MEIKIN: variants seen among roughly 807,000 people sequenced by gnomAD.
MEIKIN encodes the protein meiosis-specific kinetochore protein.
intron 11 of MEIKIN, among the ~76,000 whole-genome samples, chr5:131,841,393 G>A (rs1749911154): frequency 6.6e-6 from 1 of 152,176 alleles, no homozygotes; most frequent in Non-Finnish European, 1.5e-5. Context: ...ACAGCAGGGT[G>A]CTAGTGGATC....
chr5:131,889,774 A>G (rs1750873633), intron 8 of MEIKIN, among the ~76,000 whole-genome samples: 1 of 152,236 alleles, frequency 6.6e-6, no homozygotes, highest in Non-Finnish European at 1.5e-5. Context: ...GCGAGAGGGC[A>G]TCTTTGGCTT....
chr5:131,829,482 G>A (rs778195008), intron 11 of MEIKIN, among the ~76,000 whole-genome samples: 2 of 152,136 alleles, frequency 1.3e-5, no homozygotes, highest in Non-Finnish European at 2.9e-5. Context: ...GGGAGAACAG[G>A]TAAGAATGCT....
chr5:131,931,036 G>A (rs759400464), intron 5 of MEIKIN, among the ~76,000 whole-genome samples: 4 of 151,972 alleles, frequency 2.6e-5, no homozygotes, highest in Non-Finnish European at 5.9e-5. Flanking sequence ...AATTTTCCTT[G>A]ACAATTTTAC....
At chr5:131,935,521 T>C (rs1354085158) in intron 4 of MEIKIN, among the ~76,000 whole-genome samples, 2 of 152,056 alleles carry the variant, frequency 1.3e-5, no homozygotes, top group African/African-American at 4.8e-5. Context: ...AAAGGGAAAA[T>C]GTGCTCTGCT....
intron 4 of MEIKIN, among the ~76,000 whole-genome samples, chr5:131,942,173 G>A (rs1449998710): frequency 6.6e-6 from 1 of 152,106 alleles, no homozygotes; most frequent in Non-Finnish European, 1.5e-5. Context: ...GCCTCAAACT[G>A]GTTGTCTAAT....
chr5:131,896,486 A>G (rs986298054), intron 8 of MEIKIN, among the ~76,000 whole-genome samples: 2 of 152,172 alleles, frequency 1.3e-5, no homozygotes, highest in African/African-American at 4.8e-5. Flanking sequence ...TGGGGTGTTA[A>G]AGTCTCCCAT....
chr5:131,822,319 C>T (rs1167405293), intron 11 of MEIKIN, among the ~76,000 whole-genome samples: 5 of 152,018 alleles, frequency 3.3e-5, no homozygotes, highest in Non-Finnish European at 7.4e-5. Flanking sequence ...GGACTTACTG[C>T]TGCCATTTTA....
intron 8 of MEIKIN, among the ~76,000 whole-genome samples, chr5:131,884,144 G>T (rs1250208747): frequency 5.8e-5 from 8 of 137,702 alleles, no homozygotes; most frequent in African/African-American, 1.6e-4. Context: ...AGAGCCAGTG[G>T]ACTTGGGGTG....
At chr5:131,843,018 G>A (rs970369954) in intron 11 of MEIKIN, among the ~76,000 whole-genome samples, 8 of 152,328 alleles carry the variant, frequency 5.3e-5, no homozygotes, top group South Asian at 2.1e-4. Context: ...TGCACCTGCA[G>A]GCCCAACACC....
At chr5:131,902,547 T>A (rs183834913) in intron 8 of MEIKIN, among the ~76,000 whole-genome samples, 26 of 152,286 alleles carry the variant, frequency 1.7e-4, no homozygotes, top group Non-Finnish European at 3.5e-4. Context: ...AGCTTCAGCA[T>A]CATGCTTCCT....
chr5:131,831,161 G>C (rs1315268765), intron 11 of MEIKIN, among the ~76,000 whole-genome samples: 1 of 152,196 alleles, frequency 6.6e-6, no homozygotes, highest in Non-Finnish European at 1.5e-5. Context: ...GCCTCCCAAA[G>C]TGCTGGGATT....
chr5:131,887,789 T>G (rs1037244291), intron 8 of MEIKIN, among the ~76,000 whole-genome samples: 22 of 151,804 alleles, frequency 1.4e-4, no homozygotes, highest in African/African-American at 7.3e-5. Flanking sequence ...ACATGTGCCA[T>G]GTTGGTGTGC....
At chr5:131,845,009 G>A (rs1344887769) in intron 11 of MEIKIN, among the ~76,000 whole-genome samples, 4 of 152,064 alleles carry the variant, frequency 2.6e-5, no homozygotes, top group Admixed American at 1.3e-4. Context: ...GGTGGCTCAC[G>A]CCTATAATCC....
chr5:131,901,245 A>C (rs999401144), intron 8 of MEIKIN, among the ~76,000 whole-genome samples: 27 of 152,048 alleles, frequency 1.8e-4, no homozygotes, highest in Admixed American at 1.8e-3. Context: ...TTGGCACAAA[A>C]CTATATAGGG....
chr5:131,895,918 C>T (rs537404154), intron 8 of MEIKIN, among the ~76,000 whole-genome samples: 1 of 152,070 alleles, frequency 6.6e-6, no homozygotes, highest in Non-Finnish European at 1.5e-5. Flanking sequence ...TATTTCTTGC[C>T]TTCTGCTAGC....
At position 131,813,387 on chromosome 5, in the gene MEIKIN, T is replaced by A. The variant is rs563193161; in HGVS notation, c.1099+5353A>T. On this transcript the variant is annotated intron_variant, in intron 12 of 12. Transcript: ENST00000442687. ...ACTGAGAGGAGTGCACCCGGTTGTG[T>A]GCTTTGTTGAAAGGAGAAATAACCA... Among the ~76,000 whole-genome samples the A allele has an allele frequency of 1.4e-4, 21 of 152,064 alleles. No homozygotes were observed. In the East Asian group the frequency reaches 2.3e-3, roughly 17 times the overall value.
intron 11 of MEIKIN, among the ~76,000 whole-genome samples, chr5:131,832,125 C>A (rs1749725160): frequency 6.6e-6 from 1 of 152,088 alleles, no homozygotes; most frequent in Admixed American, 6.6e-5. Context: ...TCATCTGAGA[C>A]AAGGCAAGTC....
chr5:131,818,368 T>C (rs774659321), intron 12 of MEIKIN, among the ~76,000 whole-genome samples: 2 of 151,998 alleles, frequency 1.3e-5, no homozygotes, highest in African/African-American at 4.8e-5. Flanking sequence ...ATAAAGTATC[T>C]GTCTTTCAAA....
rs539621911 is a variant in MEIKIN, at chr5:131,925,873, G to C, written c.479-3932C>G. On this transcript the variant is annotated intron_variant, in intron 5 of 12. Coordinates refer to ENST00000442687, the MANE Select transcript of MEIKIN (RefSeq NM_001303622.2). ...AGTAGAGAAGGGCTTTCACCATTTT[G>C]GCCAGGCTGGTCTCAAACTCCTGAT... Among the ~76,000 whole-genome samples, 190 of 152,100 alleles carry C rather than the reference G, an allele frequency of 1.2e-3. 1 individual carries two copies. Among genetic ancestry groups the C allele is most frequent in the African/African-American group, 3.9e-3 (160 of 41,488 alleles).
Sources: allele counts gnomAD v4.1 joint callset (sites outside exome capture counted in the v4.1 genomes callset), GRCh38; gene constraint gnomAD v4.1.1; transcripts MANE v1.5; gene names NCBI Gene and HGNC (gene_info 2026-07-23, HGNC 2026-07-21).